RBFOX1: variants seen among roughly 807,000 people sequenced by gnomAD.
The protein encoded by RBFOX1 is RNA binding protein fox-1 homolog 1.
Under a neutral mutation model 57.7 loss-of-function variants are expected in RBFOX1, and 8 were observed. The observed-to-expected ratio is 0.14, with a 90% CI of 0.08 to 0.25. RBFOX1 has a LOEUF of 0.25. Ranked by LOEUF, RBFOX1 falls within the 10% of genes least tolerant of loss-of-function variation. RBFOX1 has a pLI of 1.00. For synonymous variants in RBFOX1, 326 were observed against 222.4 expected, an observed-to-expected ratio of 1.47 and a Z score of -4.15; for missense variants, 611 against 548.5, an observed-to-expected ratio of 1.11 and a Z score of -1.14.
intron 3 of RBFOX1, among the ~76,000 whole-genome samples, chr16:5,720,091 T>G (rs562634490): frequency 5.9e-5 from 9 of 152,186 alleles, no homozygotes; most frequent in Admixed American, 1.3e-4. Context: ...GTATGATCAG[T>G]TTTGGTTTTT....
chr16:7,457,318 G>C (rs991609534), intron 4 of RBFOX1, among the ~76,000 whole-genome samples: 1 of 152,192 alleles, frequency 6.6e-6, no homozygotes, highest in Admixed American at 6.5e-5. Context: ...TGTGTCCTGG[G>C]TGCTGGGCCT....
At chr16:6,266,328 C>T (rs1244200230) in intron 1 of RBFOX1, among the ~76,000 whole-genome samples, 2 of 152,234 alleles carry the variant, frequency 1.3e-5, no homozygotes, top group Non-Finnish European at 2.9e-5. Context: ...CTAGCCCATC[C>T]TGAATGATAT....
intron 1 of RBFOX1, among the ~76,000 whole-genome samples, chr16:6,128,339 G>C (rs897673516): frequency 1.3e-5 from 2 of 152,122 alleles, no homozygotes; most frequent in Non-Finnish European, 2.9e-5. Flanking sequence ...ACTCTAAGAA[G>C]ACTTCTGTGT....
chr16:7,112,537 A>C (rs569978948), intron 4 of RBFOX1, among the ~76,000 whole-genome samples: 1 of 152,078 alleles, frequency 6.6e-6, no homozygotes, highest in South Asian at 2.1e-4. Flanking sequence ...TATATTGTCC[A>C]TCAAGTCAGA....
At chr16:7,638,943 T>C (rs953655730) in intron 11 of RBFOX1, among the ~76,000 whole-genome samples, 2 of 150,340 alleles carry the variant, frequency 1.3e-5, no homozygotes, top group Non-Finnish European at 2.9e-5. Context: ...TGCACCCTCA[T>C]GTATTTTTTG....
intron 2 of RBFOX1, among the ~76,000 whole-genome samples, chr16:6,611,740 ACT>A (rs367759064): frequency 1.3e-5 from 2 of 151,690 alleles, no homozygotes; most frequent in South Asian, 2.1e-4. Context: ...GTGAGTGGAA[ACT>A]CTGAATGCAG....
rs1267985426 is a variant in RBFOX1, at chr16:5,517,094, T to A, written c.258+49840T>A. On this transcript the variant is annotated intron_variant, in intron 2 of 2. Transcript: ENST00000585867. ...ATGGCTCTTAGAAGACCTCCAGTGG[T>A]TGGAGGCCTATAGTAAGAAGCAAGT... Among the ~76,000 whole-genome samples the A allele has an allele frequency of 2.6e-5, 4 of 151,944 alleles. No homozygotes were observed. The East Asian group carries it at 7.7e-4, about 29-fold the overall frequency.
At chr16:6,988,895 C>G (rs1224558472) in intron 3 of RBFOX1, among the ~76,000 whole-genome samples, 1 of 152,036 alleles carries the variant, frequency 6.6e-6, no homozygotes, top group Admixed American at 6.6e-5. Context: ...CCTTAGCCTC[C>G]TAAGTAGCTG....
intron 4 of RBFOX1, among the ~76,000 whole-genome samples, chr16:6,005,977 T>G (rs2094924988): frequency 1.3e-5 from 2 of 152,152 alleles, no homozygotes; most frequent in South Asian, 4.1e-4. Flanking sequence ...CAGACAAGGC[T>G]AGGAAGGCAG....
intron 3 of RBFOX1, among the ~76,000 whole-genome samples, chr16:5,621,711 C>T (rs1035398094): frequency 6.6e-6 from 1 of 152,146 alleles, no homozygotes; most frequent in Non-Finnish European, 1.5e-5. Context: ...TGAGGATTCT[C>T]TCCAGGCAAA....
intron 2 of RBFOX1, among the ~76,000 whole-genome samples, chr16:6,526,829 CAAAAAAAAAAAAAAAAAA>C (rs541468859): frequency 3.0e-5 from 1 of 32,896 alleles, no homozygotes; most frequent in South Asian, 2.8e-3. Flanking sequence ...GACTCTGTCT[CAAAAAAAAAAAAAAAAAA>C]AAAAAAAAAA....
rs572483319 is a variant in RBFOX1, at chr16:5,325,159, C to T, written c.219+85054C>T. ...CTGCTCTACAACACCTTCCCTTTCT[C>T]TCCCTCCTGTGTGCTTGGCCCTTCT... On this transcript the variant is annotated intron_variant, in intron 1 of 2. Coordinates refer to the RBFOX1 transcript ENST00000585867. Among the ~76,000 whole-genome samples, 22 of 152,164 alleles carry T rather than the reference C, an allele frequency of 1.4e-4. 1 individual carries two copies. The highest frequency in any genetic ancestry group is 2.5e-4 in the Non-Finnish European group (17 of 68,034).
intron 3 of RBFOX1, among the ~76,000 whole-genome samples, chr16:6,707,466 C>T (rs1457357111): frequency 6.8e-6 from 1 of 146,094 alleles, no homozygotes; most frequent in East Asian, 2.1e-4. Context: ...ATTTAGATGG[C>T]TTCCCATTTT....
intron 3 of RBFOX1, among the ~76,000 whole-genome samples, chr16:6,919,823 G>T (rs999114133): frequency 2.7e-4 from 38 of 141,564 alleles, no homozygotes; most frequent in African/African-American, 9.8e-4. Flanking sequence ...GAGAACAAGT[G>T]GTTTTTGTTA....
At chr16:7,039,247 C>T (rs1025146038) in intron 3 of RBFOX1, among the ~76,000 whole-genome samples, 5 of 152,162 alleles carry the variant, frequency 3.3e-5, no homozygotes, top group Non-Finnish European at 5.9e-5. Context: ...AACAACAAAT[C>T]CATTATTATT....
At chr16:7,526,388 G>A (rs2078715218) in intron 5 of RBFOX1, among the ~76,000 whole-genome samples, 1 of 152,286 alleles carries the variant, frequency 6.6e-6, no homozygotes, top group African/African-American at 2.4e-5. Flanking sequence ...CTCTGGACTT[G>A]ACAAGATTTG....
chr16:6,737,308 T>C (rs2070665562), intron 3 of RBFOX1, among the ~76,000 whole-genome samples: 1 of 152,240 alleles, frequency 6.6e-6, no homozygotes, highest in African/African-American at 2.4e-5. Flanking sequence ...CCTTATATGT[T>C]ATTTATAGAT....
intron 4 of RBFOX1, among the ~76,000 whole-genome samples, chr16:7,179,129 T>C (rs1362813131): frequency 6.6e-6 from 1 of 152,120 alleles, no homozygotes; most frequent in African/African-American, 2.4e-5. Context: ...ACTCGAGGCA[T>C]CCGGAGGGGT....
intron 3 of RBFOX1, among the ~76,000 whole-genome samples, chr16:6,663,403 C>T (rs900856735): frequency 6.6e-6 from 1 of 152,092 alleles, no homozygotes; most frequent in Non-Finnish European, 1.5e-5. Flanking sequence ...CATGACATAG[C>T]CAGCAGGATT....
Sources: gnomAD v4.1 joint callset for allele counts (sites outside exome capture counted in the v4.1 genomes callset) on GRCh38, gnomAD v4.1.1 for gene constraint, MANE v1.5 for transcripts, NCBI Gene and HGNC (gene_info 2026-07-23, HGNC 2026-07-21) for gene names.